Variants in GALNTL6 observed in about 807,000 individuals in gnomAD.
GALNTL6 encodes polypeptide N-acetylgalactosaminyltransferase-like 6.
In GALNTL6, 46 loss-of-function variants were observed where a neutral mutation model predicts 73.7. That is an observed-to-expected ratio of 0.62 (90% CI 0.49 to 0.80). The LOEUF (loss-of-function observed/expected upper bound fraction) is 0.80. GALNTL6 is among the 30% of genes least tolerant of loss of function. GALNTL6 has a pLI of 0.00. For synonymous variants in GALNTL6, 259 were observed against 263.7 expected (o/e 0.98, Z 0.17); for missense variants, 604 against 755.0 (o/e 0.80, Z 2.34).
intron 9 of GALNTL6, among the ~76,000 whole-genome samples, chr4:172,935,712 C>T (rs1219310543): frequency 6.6e-6 from 1 of 152,122 alleles, no homozygotes; most frequent in Non-Finnish European, 1.5e-5. Context: ...GACACATATA[C>T]CCTCCCAAGT....
intron 2 of GALNTL6, among the ~76,000 whole-genome samples, chr4:171,947,086 T>C (rs1326159810): frequency 3.9e-5 from 6 of 152,120 alleles, no homozygotes; most frequent in Admixed American, 2.0e-4. Context: ...GTTCTCATTT[T>C]TGAATACTTT....
rs56376727 is a variant in GALNTL6 at position 172,754,843 on chromosome 4, C to CAA, written c.554-54504_554-54503dup. Among the ~76,000 whole-genome samples the CAA allele has an allele frequency of 1.3e-3, 173 of 128,930 alleles. 1 individual carries two copies. Among genetic ancestry groups the CAA allele is most frequent in the African/African-American group, 4.9e-3 (160 of 32,354 alleles). The allele number at this position is 128,930 out of a possible 152,430, so 84.6% of individuals were successfully genotyped here. A position where few individuals can be genotyped will look rare whatever the true frequency, so the allele number is the denominator to read the frequency against. On this transcript the variant is annotated intron_variant, in intron 5 of 12. Coordinates refer to ENST00000506823, the MANE Select transcript of GALNTL6 (RefSeq NM_001034845.3). ...AAAACTCAAGGAACCTCACTTCCAC[C>CAA]AAAAAAAAAAAAAAAGAAAATGAAA... is the stretch of plus-strand genomic sequence containing the variant.
intron 2 of GALNTL6, among the ~76,000 whole-genome samples, chr4:171,842,497 G>A (rs1401977953): frequency 6.6e-6 from 1 of 152,102 alleles, no homozygotes; most frequent in African/African-American, 2.4e-5. Flanking sequence ...AAAGAAAAGA[G>A]GTTTAATTGG....
intron 5 of GALNTL6, among the ~76,000 whole-genome samples, chr4:172,475,421 T>C (rs1193158812): frequency 6.6e-6 from 1 of 151,372 alleles, no homozygotes; most frequent in Admixed American, 6.6e-5. Context: ...AATTCAGTCA[T>C]GGACAAGGTT....
rs986222320 is a variant in GALNTL6 at position 172,098,577 on chromosome 4, T to C, written c.139-131079T>C. Among the ~76,000 whole-genome samples the C allele has an allele frequency of 6.6e-5, 10 of 152,148 alleles. No individual in the cohort carries two copies. In the East Asian group the frequency reaches 1.3e-3, roughly 20 times the overall value. On this transcript the variant is annotated intron_variant, in intron 2 of 12. Coordinates refer to ENST00000506823, the MANE Select transcript of GALNTL6 (RefSeq NM_001034845.3). The stretch of plus-strand genomic sequence containing the variant: ...ATTATGCAGCCAAATGGGAAACCAC[T>C]ATAGAAGGAGAATGGCGTGGTTGTA...
At chr4:172,386,483 G>A (rs1296808617) in intron 5 of GALNTL6, among the ~76,000 whole-genome samples, 2 of 152,136 alleles carry the variant, frequency 1.3e-5, no homozygotes, top group Admixed American at 6.5e-5. Context: ...GAACTAATAA[G>A]AGAGGGAAAG....
At chr4:172,221,206 T>A (rs1668360307) in intron 2 of GALNTL6, among the ~76,000 whole-genome samples, 2 of 151,856 alleles carry the variant, frequency 1.3e-5, no homozygotes, top group African/African-American at 4.8e-5. Context: ...CCATTTCATC[T>A]TTCTGTGTTA....
At chr4:172,461,722 G>A (rs1368370833) in intron 5 of GALNTL6, among the ~76,000 whole-genome samples, 2 of 152,124 alleles carry the variant, frequency 1.3e-5, no homozygotes, top group Non-Finnish European at 2.9e-5. Flanking sequence ...TGCTTATAAG[G>A]TCAGAGTTAC....
intron 5 of GALNTL6, among the ~76,000 whole-genome samples, chr4:172,496,666 G>A (rs1734082536): frequency 6.6e-6 from 1 of 152,166 alleles, no homozygotes; most frequent in Non-Finnish European, 1.5e-5. Context: ...CTGGGCAACA[G>A]AGTAAGACCT....
intron 5 of GALNTL6, among the ~76,000 whole-genome samples, chr4:172,374,346 A>G (rs1029675497): frequency 2.0e-5 from 3 of 152,152 alleles, no homozygotes; most frequent in African/African-American, 7.2e-5. Flanking sequence ...GACAGGTTTA[A>G]TAATGCCTCC....
At chr4:171,962,995 T>C (rs1560861254) in intron 2 of GALNTL6, among the ~76,000 whole-genome samples, 1 of 151,896 alleles carries the variant, frequency 6.6e-6, no homozygotes, top group Non-Finnish European at 1.5e-5. Flanking sequence ...CTCAATCTCT[T>C]GACCTTGTGA....
intron 2 of GALNTL6, among the ~76,000 whole-genome samples, chr4:172,156,545 A>ATGTATATATATATACTATT (rs1560945582): frequency 1.5e-5 from 1 of 67,342 alleles, no homozygotes; most frequent in Non-Finnish European, 2.9e-5. Flanking sequence ...TATATAATAT[A>ATGTATATATATATACTATT]TATATATATA....
intron 2 of GALNTL6, among the ~76,000 whole-genome samples, chr4:171,899,330 G>A (rs1737013866): frequency 6.6e-6 from 1 of 151,988 alleles, no homozygotes; most frequent in African/African-American, 2.4e-5. Context: ...CAGTCTTCCT[G>A]TTACATTATG....
chr4:172,381,135 C>CTTACTTTTTATTA lies in GALNTL6; in HGVS notation c.553+32449_553+32461dup, dbSNP rs947803507. Among the ~76,000 whole-genome samples the CTTACTTTTTATTA allele has an allele frequency of 4.6e-5, 7 of 152,242 alleles. No individual in the cohort carries two copies. In the East Asian group the frequency reaches 7.7e-4, roughly 17 times the overall value. ...TTTAAAAATTCCTGTGAAGATTATA[C>CTTACTTTTTATTA]TTACTTTTTATTATTTGTTATTTTC... On this transcript the variant is annotated intron_variant, in intron 5 of 12. Coordinates refer to ENST00000506823, the MANE Select transcript of GALNTL6 (RefSeq NM_001034845.3).
At chr4:172,233,342 C>T (rs1429565285) in intron 3 of GALNTL6, among the ~76,000 whole-genome samples, 1 of 136,500 alleles carries the variant, frequency 7.3e-6, no homozygotes, top group African/African-American at 2.7e-5. Context: ...GCTGGAGACT[C>T]TGTCTCTAAA....
intron 2 of GALNTL6, among the ~76,000 whole-genome samples, chr4:172,140,903 A>G (rs1201901236): frequency 1.3e-5 from 2 of 152,070 alleles, no homozygotes; most frequent in Non-Finnish European, 1.5e-5. Flanking sequence ...AAAGTAATGT[A>G]TGAATATTCT....
chr4:172,763,120 G>C (rs563570108), intron 5 of GALNTL6, among the ~76,000 whole-genome samples: 1 of 151,878 alleles, frequency 6.6e-6, no homozygotes, highest in Non-Finnish European at 1.5e-5. Context: ...GCGGTACTAA[G>C]GGAGAAGAAA....
intron 2 of GALNTL6, among the ~76,000 whole-genome samples, chr4:172,082,918 A>G (rs991663177): frequency 6.6e-6 from 1 of 151,326 alleles, no homozygotes; most frequent in African/African-American, 2.4e-5. Context: ...GAGACCCTTA[A>G]TCTCCTCTTC....
intron 4 of GALNTL6, among the ~76,000 whole-genome samples, chr4:172,335,033 T>C (rs1222328204): frequency 6.6e-6 from 1 of 151,342 alleles, no homozygotes; most frequent in East Asian, 2.0e-4. Context: ...CAGGCTGGAG[T>C]GCAGTGGCAC....
Sources: gnomAD v4.1 joint callset for allele counts (sites outside exome capture counted in the v4.1 genomes callset) on GRCh38, gnomAD v4.1.1 for gene constraint, MANE v1.5 for transcripts, NCBI Gene and HGNC (gene_info 2026-07-23, HGNC 2026-07-21) for gene names.